TIMM13: variants seen among roughly 807,000 people sequenced by gnomAD.
TIMM13 encodes translocase of inner mitochondrial membrane 13.
TIMM13 carries 8 observed loss-of-function variants against 10.9 expected under a neutral mutation model. The ratio of observed to expected loss-of-function variants is 0.73; its 90% confidence interval spans 0.43 to 1.32. The LOEUF (loss-of-function observed/expected upper bound fraction) is 1.32, where lower values mean the gene tolerates loss of function less well. TIMM13 is among the 40% of genes most tolerant of loss of function. The pLI is 0.01. For synonymous variants in TIMM13, 68 were observed against 52.5 expected (o/e 1.30, Z -1.28); for missense variants, 147 against 132.8 (o/e 1.11, Z -0.53).
chr19:2,425,963 T>C lies in TIMM13; in HGVS notation c.*985A>G. On this transcript the variant is annotated 3_prime_UTR_variant, in exon 3 of 3. Transcript: ENST00000215570. ...GGGACCCCTGGCCTGCAGGGAGCCC[T>C]CTGGACGGTGGGTGCTAACTGGGGT... The C allele has an allele frequency of 6.2e-7, 1 of 1,606,160 alleles. No individual in the cohort carries two copies. The highest frequency in any genetic ancestry group is 8.5e-7 in the Non-Finnish European group (1 of 1,177,532).
chr19:2,425,867 C>T lies in TIMM13; in HGVS notation c.*1081G>A. 1.3e-6 allele frequency: 2 copies of T among 1,523,772 alleles called. No individual in the cohort carries two copies. The highest frequency in any genetic ancestry group is 1.7e-6 in the Non-Finnish European group (2 of 1,143,396). 94.4% of individuals were successfully genotyped at this position (1,523,772 alleles called of 1,614,324 possible). On this transcript the variant is annotated 3_prime_UTR_variant, in exon 3 of 3. Transcript: ENST00000215570. ...GGTCACTCCTAGAGGGGCCAATGACCCAAGGGCTGCTGTAGGGGAGGTACC... is the reference window on the plus strand; with the variant it reads ...GGTCACTCCTAGAGGGGCCAATGACTCAAGGGCTGCTGTAGGGGAGGTACC...
rs1409932607 is a variant in TIMM13 at position 2,426,874 on chromosome 19, T to C, written c.*74A>G. 2.1e-6 allele frequency: 3 copies of C among 1,437,812 alleles called. No individual in the cohort carries two copies. Among genetic ancestry groups the C allele is most frequent in the East Asian group, 2.5e-5 (1 of 40,282 alleles). 89.1% of individuals were successfully genotyped at this position (1,437,812 alleles called of 1,614,324 possible). On this transcript the variant is annotated 3_prime_UTR_variant, in exon 3 of 3. Coordinates refer to ENST00000215570, the MANE Select transcript of TIMM13 (RefSeq NM_012458.4). ...ACCCTCCTAAGCCCCGGGCAGGCAGTACGTACATGCGGACCCCGCCTCTCA... is the reference window on the plus strand; with the variant it reads ...ACCCTCCTAAGCCCCGGGCAGGCAGCACGTACATGCGGACCCCGCCTCTCA...
At chr19:2,427,208 C>G (rs751251393) in intron 2 of TIMM13, 48 bp downstream of exon 2, 34 of 1,558,748 alleles carry the variant, frequency 2.2e-5, no homozygotes, top group East Asian at 4.8e-5. Flanking sequence ...CCTCCCCCCT[C>G]GAATCTAGGC....
Position 2,426,528 on chromosome 19 carries a change from C to A in TIMM13, c.*420G>T, listed in dbSNP as rs965202848. Reference sequence around the variant, plus strand: ...TTCCAGGGACACGCGTCACCTCTTCCCAGAGACCCCTCAGGAGGGAAATAA... The same window carrying A: ...TTCCAGGGACACGCGTCACCTCTTCACAGAGACCCCTCAGGAGGGAAATAA... On this transcript the variant is annotated 3_prime_UTR_variant, in exon 3 of 3. Coordinates refer to ENST00000215570, the MANE Select transcript of TIMM13 (RefSeq NM_012458.4). The A allele has an allele frequency of 5.2e-5, 15 of 289,370 alleles. No homozygotes were observed. Among genetic ancestry groups the A allele is most frequent in the Non-Finnish European group, 7.9e-5 (12 of 152,160 alleles). The allele number at this position is 289,370 out of a possible 1,614,324, so 17.9% of individuals were successfully genotyped here. A position where few individuals can be genotyped will look rare whatever the true frequency, so the allele number is the denominator to read the frequency against.
chr19:2,426,113 G>A lies in TIMM13; in HGVS notation c.*835C>T. On this transcript the variant is annotated 3_prime_UTR_variant, in exon 3 of 3. Coordinates refer to ENST00000215570, the MANE Select transcript of TIMM13 (RefSeq NM_012458.4). ...ACCACCACGTGACTGCCCAGGCCGA[G>A]ACTCTACGTGAAAGCAACAGGAGCA... 2 of 1,519,264 alleles carry A rather than the reference G, an allele frequency of 1.3e-6. No homozygotes were observed. The highest frequency in any genetic ancestry group is 1.8e-6 in the Non-Finnish European group (2 of 1,139,534). The allele number at this position is 1,519,264 out of a possible 1,614,324, so 94.1% of individuals were successfully genotyped here. A position where few individuals can be genotyped will look rare whatever the true frequency, so the allele number is the denominator to read the frequency against.
At chr19:2,427,137 A>AC in intron 2 of TIMM13, 91 bp from the exon 3 acceptor site, 1 of 1,567,744 alleles carries the variant, frequency 6.4e-7, no homozygotes, top group South Asian at 1.1e-5. Context: ...CGGGCTGCAG[A>AC]CTACGCACGT....
chr19:2,425,966 G>A lies in TIMM13; in HGVS notation c.*982C>T, dbSNP rs1419558264. On this transcript the variant is annotated 3_prime_UTR_variant, in exon 3 of 3. Transcript: ENST00000215570. ...ACCCCTGGCCTGCAGGGAGCCCTCT[G>A]GACGGTGGGTGCTAACTGGGGTCAC... 3.7e-6 allele frequency: 6 copies of A among 1,607,114 alleles called. No individual in the cohort carries two copies. The highest frequency in any genetic ancestry group is 1.1e-5 in the South Asian group (1 of 90,438).
rs1362408739 is a variant in TIMM13 at position 2,426,514 on chromosome 19, C to CGCGTCACCTCTT, written c.*422_*433dup. 1 of 285,420 alleles carries CGCGTCACCTCTT rather than the reference C, an allele frequency of 3.5e-6. No homozygotes were observed. The highest frequency in any genetic ancestry group is 2.2e-5 in the African/African-American group (1 of 44,600). 17.7% of individuals were successfully genotyped at this position (285,420 alleles called of 1,614,324 possible). On this transcript the variant is annotated 3_prime_UTR_variant, in exon 3 of 3. Transcript: ENST00000215570. ...CCTCCGAGCTGGGGTTCCAGGGACA[C>CGCGTCACCTCTT]GCGTCACCTCTTCCCAGAGACCCCT...
At chr19:2,427,128 G>T (rs1347115770) in intron 2 of TIMM13, 82 bp from the exon 3 acceptor site, 3 of 1,570,836 alleles carry the variant, frequency 1.9e-6, no homozygotes, top group East Asian at 2.3e-5. Flanking sequence ...CAGGACGCCC[G>T]GGCTGCAGAC....
chr19:2,426,926 TG>T lies in TIMM13; in HGVS notation c.*21del. The T allele has an allele frequency of 6.4e-7, 1 of 1,562,888 alleles. No homozygotes were observed. The highest frequency in any genetic ancestry group is 1.4e-5 in the African/African-American group (1 of 73,696). On this transcript the variant is annotated 3_prime_UTR_variant, in exon 3 of 3. Coordinates refer to ENST00000215570, the MANE Select transcript of TIMM13 (RefSeq NM_012458.4). Reference sequence around the variant, plus strand: ...AGCACGTTTATGGAAATGAACAGGGTGGGGTGGCCCGCGCTCGCCGGTCACA... The same window carrying T: ...AGCACGTTTATGGAAATGAACAGGGTGGGTGGCCCGCGCTCGCCGGTCACA...
chr19:2,426,144 C>A lies in TIMM13; in HGVS notation c.*804G>T. ...ACGTGAAAGCAACAGGAGCAGCAGG[C>A]CACCCAACACCCCACCCCACCGTAC... On this transcript the variant is annotated 3_prime_UTR_variant, in exon 3 of 3. Transcript: ENST00000215570. 7.1e-7 allele frequency: 1 copy of A among 1,417,484 alleles called. No homozygotes were observed. Among genetic ancestry groups the A allele is most frequent in the Non-Finnish European group, 9.2e-7 (1 of 1,089,882 alleles). The allele number at this position is 1,417,484 out of a possible 1,614,324, so 87.8% of individuals were successfully genotyped here. A position where few individuals can be genotyped will look rare whatever the true frequency, so the allele number is the denominator to read the frequency against.
chr19:2,426,466 C>T lies in TIMM13; in HGVS notation c.*482G>A. ...GCACTAAGGGGAAAGATGGACTTCT[C>T]CCAACCCAGGGGAGGCTGAGACCCT... On this transcript the variant is annotated 3_prime_UTR_variant, in exon 3 of 3. Transcript: ENST00000215570. The T allele has an allele frequency of 1.0e-5, 3 of 289,728 alleles. No individual in the cohort carries two copies. The South Asian group carries it at 1.2e-4, about 12-fold the overall frequency. The allele number at this position is 289,728 out of a possible 1,614,324, so 17.9% of individuals were successfully genotyped here. A position where few individuals can be genotyped will look rare whatever the true frequency, so the allele number is the denominator to read the frequency against.
In TIMM13 at chr19:2,426,133, G is replaced by A. The variant is rs771728704; in HGVS notation, c.*815C>T. 1 of 1,502,658 alleles carries A rather than the reference G, an allele frequency of 6.7e-7. No homozygotes were observed. The highest frequency in any genetic ancestry group is 1.2e-5 in the South Asian group (1 of 81,384). The allele number at this position is 1,502,658 out of a possible 1,614,324, so 93.1% of individuals were successfully genotyped here. On this transcript the variant is annotated 3_prime_UTR_variant, in exon 3 of 3. Transcript: ENST00000215570. ...GCCGAGACTCTACGTGAAAGCAACA[G>A]GAGCAGCAGGCCACCCAACACCCCA...
Position 2,427,430 on chromosome 19 carries a change from G to A in TIMM13, c.104C>T (p.Ala35Val), listed in dbSNP as rs1971666179. The A allele has an allele frequency of 1.2e-6, 2 of 1,612,668 alleles. No individual in the cohort carries two copies. The highest frequency in any genetic ancestry group is 1.3e-5 in the African/African-American group (1 of 74,928). The change falls in exon 1 of 3, where the codon GCG becomes GTG. Residue 35 changes from alanine to valine, a missense_variant. Transcript: ENST00000215570. ...QVKVQIAVANAQELLQRMTDK... is the reference protein window; with the variant it reads ...QVKVQIAVANVQELLQRMTDK... The stretch of plus-strand genomic sequence containing the variant: ...GCCCCGCACCTGCAGCAGCTCCTGC[G>A]CGTTGGCCACGGCGATCTGCACTTT...
At position 2,425,700 on chromosome 19, in the gene TIMM13, G is replaced by A. The variant is rs1971606231; in HGVS notation, c.*1248C>T. ...CCACCGCATCCCATCCCCGGGCCTC[G>A]GCGGCAGAGCAGGCAGAGGCTGCAG... On this transcript the variant is annotated 3_prime_UTR_variant, in exon 3 of 3. Transcript: ENST00000215570. 1.4e-5 allele frequency: 17 copies of A among 1,205,814 alleles called. No individual in the cohort carries two copies. The highest frequency in any genetic ancestry group is 5.4e-5 in the South Asian group (3 of 55,700). 74.7% of individuals were successfully genotyped at this position (1,205,814 alleles called of 1,614,324 possible).
rs1358340972 is a variant in TIMM13, at chr19:2,425,807, A to G, written c.*1141T>C. 27 of 1,376,068 alleles carry G rather than the reference A, an allele frequency of 2.0e-5. No individual in the cohort carries two copies. Among genetic ancestry groups the G allele is most frequent in the African/African-American group, 3.0e-5 (2 of 67,622 alleles). 85.2% of individuals were successfully genotyped at this position (1,376,068 alleles called of 1,614,324 possible). ...CCTTTGCATTGAGCCCATTTTCCAG[A>G]TAGTGAAAATGCGGCTCCCAGGGGA... is the stretch of plus-strand genomic sequence containing the variant. On this transcript the variant is annotated 3_prime_UTR_variant, in exon 3 of 3. Coordinates refer to ENST00000215570, the MANE Select transcript of TIMM13 (RefSeq NM_012458.4).
At chr19:2,427,387 A>C in intron 1 of TIMM13, 27 bp downstream of exon 1, 1 of 1,611,788 alleles carries the variant, frequency 6.2e-7, no homozygotes. Context: ...TGTCGCCCCC[A>C]GCGCCCGTCC....
Position 2,425,833 on chromosome 19 carries a change from A to C in TIMM13, c.*1115T>G. 6.9e-7 allele frequency: 1 copy of C among 1,448,692 alleles called. No individual in the cohort carries two copies. Among genetic ancestry groups the C allele is most frequent in the African/African-American group, 1.4e-5 (1 of 69,338 alleles). The allele number at this position is 1,448,692 out of a possible 1,614,324, so 89.7% of individuals were successfully genotyped here. ...TAGTGAAAATGCGGCTCCCAGGGGA[A>C]GTCACTAGGGTCACTCCTAGAGGGG... On this transcript the variant is annotated 3_prime_UTR_variant, in exon 3 of 3. Coordinates refer to ENST00000215570, the MANE Select transcript of TIMM13 (RefSeq NM_012458.4).
In TIMM13 at chr19:2,425,708, A is replaced by C. The variant is rs1025327131; in HGVS notation, c.*1240T>G. On this transcript the variant is annotated 3_prime_UTR_variant, in exon 3 of 3. Transcript: ENST00000215570. The stretch of plus-strand genomic sequence containing the variant: ...TCCCATCCCCGGGCCTCGGCGGCAG[A>C]GCAGGCAGAGGCTGCAGTGGGAGGC... 1.7e-6 allele frequency: 2 copies of C among 1,189,576 alleles called. No homozygotes were observed. Among genetic ancestry groups the C allele is most frequent in the Non-Finnish European group, 2.2e-6 (2 of 890,584 alleles). The allele number at this position is 1,189,576 out of a possible 1,614,324, so 73.7% of individuals were successfully genotyped here. A position where few individuals can be genotyped will look rare whatever the true frequency, so the allele number is the denominator to read the frequency against.
Sources: allele counts gnomAD v4.1 joint callset, GRCh38; gene constraint gnomAD v4.1.1; transcripts MANE v1.5; gene names NCBI Gene and HGNC (gene_info 2026-07-23, HGNC 2026-07-21).